Variants in VPS37A observed in about 807,000 individuals in gnomAD.
VPS37A encodes vacuolar protein sorting-associated protein 37A.
In VPS37A, 30 loss-of-function variants were observed where a neutral mutation model predicts 49.8. The ratio of observed to expected loss-of-function variants is 0.60; its 90% confidence interval spans 0.45 to 0.82. The LOEUF (loss-of-function observed/expected upper bound fraction) is 0.82, where lower values mean the gene tolerates loss of function less well. Among genes scored for constraint, VPS37A ranks in the 40% least tolerant of loss-of-function variants. The pLI is 0.00. For missense variants in VPS37A, 593 were observed against 464.4 expected, an observed-to-expected ratio of 1.28 and a Z score of -2.55; for synonymous variants, 195 against 160.6, an observed-to-expected ratio of 1.21 and a Z score of -1.62.
At chr8:17,284,717 T>C in intron 10 of VPS37A, 101 bp downstream of exon 10, 1 of 1,336,204 alleles carries the variant, frequency 7.5e-7, no homozygotes. Flanking sequence ...TATTATGATA[T>C]CATCCCCCTT....
intron 1 of VPS37A, chr8:17,247,975 C>T (rs1811493733): frequency 1.8e-6 from 1 of 569,614 alleles, no homozygotes; most frequent in Non-Finnish European, 3.1e-6. Context: ...AGTCTTGTCC[C>T]CACGCTCAAG....
the VPS37A span, chr8:17,313,312 C>T: frequency 6.2e-7 from 1 of 1,612,438 alleles, no homozygotes. Flanking sequence ...AAGATTCCTG[C>T]ATCCATTATG....
chr8:17,308,631 G>C, the VPS37A span, among the ~76,000 whole-genome samples: 3 of 152,140 alleles, frequency 2.0e-5, no homozygotes, highest in African/African-American at 7.2e-5. Context: ...TACCATTTAA[G>C]ATTCAAAGAG....
the VPS37A span, chr8:17,309,267 T>C: frequency 6.7e-7 from 1 of 1,503,020 alleles, no homozygotes; most frequent in Non-Finnish European, 9.2e-7. Flanking sequence ...CAGTCTTAAA[T>C]ATTACTTACC....
intron 10 of VPS37A, among the ~76,000 whole-genome samples, chr8:17,286,141 A>G (rs1399439188): frequency 6.6e-6 from 1 of 152,124 alleles, no homozygotes; most frequent in Admixed American, 6.5e-5. Context: ...CATTCAAAGT[A>G]TTATCTGCTC....
At chr8:17,282,438 C>T (rs1473980236) in intron 9 of VPS37A, among the ~76,000 whole-genome samples, 1 of 151,924 alleles carries the variant, frequency 6.6e-6, no homozygotes, top group Non-Finnish European at 1.5e-5. Flanking sequence ...TGGGAAAAGC[C>T]TTTCTTAGCA....
chr8:17,247,356 A>C lies in VPS37A; in HGVS notation c.112A>C (p.Asn38His). Reference sequence around the variant, plus strand: ...GCAGCGCCTGATCGAGTCCCTCCGGAACTCACACTCCAGGTGACTGGTCGC... The same window carrying C: ...GCAGCGCCTGATCGAGTCCCTCCGGCACTCACACTCCAGGTGACTGGTCGC... ...QKQRLIESLR[N>H]SHSSIAEIQK... is the part of the protein sequence containing the mutation. The change falls in exon 1 of 12, where the codon AAC (asparagine) becomes CAC (histidine). Residue 38 changes from asparagine (N) to histidine (H), a missense_variant. Asn to His is a moderately conservative substitution (Grantham distance 68). Coordinates refer to ENST00000324849, the MANE Select transcript of VPS37A (RefSeq NM_152415.3). 1 of 1,547,362 alleles carries C rather than the reference A, an allele frequency of 6.5e-7. No individual in the cohort carries two copies. The highest frequency in any genetic ancestry group is 8.7e-7 in the Non-Finnish European group (1 of 1,146,616).
At chr8:17,291,164 C>T (rs933331586) in intron 11 of VPS37A, among the ~76,000 whole-genome samples, 1 of 152,122 alleles carries the variant, frequency 6.6e-6, no homozygotes. Flanking sequence ...AGGCATGTGC[C>T]ATCACACCTG....
chr8:17,309,713 AC>A, the VPS37A span, among the ~76,000 whole-genome samples: 1 of 152,060 alleles, frequency 6.6e-6, no homozygotes, highest in South Asian at 2.1e-4. Flanking sequence ...TAGGAAGGAG[AC>A]CCCACTTCAC....
At chr8:17,268,727 G>T in intron 3 of VPS37A, 129 bp from the exon 4 acceptor site, 1 of 671,796 alleles carries the variant, frequency 1.5e-6, no homozygotes, top group Non-Finnish European at 2.5e-6. Flanking sequence ...CTTGTTAATT[G>T]CTAATATCCT....
chr8:17,316,489 A>G, the VPS37A span, among the ~76,000 whole-genome samples: 7 of 150,968 alleles, frequency 4.6e-5, no homozygotes, highest in African/African-American at 1.7e-4. Context: ...ACCTTTCTAC[A>G]GTCTCCTTGT....
At chr8:17,309,543 T>C in the VPS37A span, among the ~76,000 whole-genome samples, 17 of 152,290 alleles carry the variant, frequency 1.1e-4, no homozygotes, top group African/African-American at 4.1e-4. Context: ...GAAATGGATG[T>C]ATAAAAATGC....
At chr8:17,307,804 A>G in the VPS37A span, among the ~76,000 whole-genome samples, 1 of 151,526 alleles carries the variant, frequency 6.6e-6, no homozygotes, top group African/African-American at 2.4e-5. Context: ...ACCAAACACC[A>G]CATGTTCTCA....
intron 1 of VPS37A, among the ~76,000 whole-genome samples, chr8:17,251,205 G>T (rs1811944136): frequency 6.6e-6 from 1 of 152,176 alleles, no homozygotes; most frequent in Non-Finnish European, 1.5e-5. Flanking sequence ...GTGGAAGCAG[G>T]ACTCTTGGTT....
chr8:17,327,065 T>G, the VPS37A span, among the ~76,000 whole-genome samples: 1 of 152,192 alleles, frequency 6.6e-6, no homozygotes, highest in South Asian at 2.1e-4. Context: ...GCAAGCAATT[T>G]TACGACCTGA....
intron 2 of VPS37A, among the ~76,000 whole-genome samples, chr8:17,266,397 C>T (rs530999312): frequency 6.6e-6 from 1 of 152,138 alleles, no homozygotes; most frequent in Admixed American, 6.5e-5. Flanking sequence ...CCAGAAAGTT[C>T]AAGATTAGAT....
chr8:17,258,429 A>T (rs1812672706), intron 1 of VPS37A, among the ~76,000 whole-genome samples: 1 of 152,120 alleles, frequency 6.6e-6, no homozygotes, highest in South Asian at 2.1e-4. Flanking sequence ...CTCTTAATGG[A>T]TATATCACAT....
intron 1 of VPS37A, among the ~76,000 whole-genome samples, chr8:17,264,047 C>T (rs539100813): frequency 1.5e-3 from 227 of 152,304 alleles, no homozygotes; most frequent in Non-Finnish European, 2.5e-3. Context: ...CACTTATTTG[C>T]CTGGTACTGT....
At chr8:17,280,920 GA>G (rs1225405923) in intron 9 of VPS37A, among the ~76,000 whole-genome samples, 3 of 151,024 alleles carry the variant, frequency 2.0e-5, no homozygotes, top group Non-Finnish European at 4.4e-5. Flanking sequence ...CTATATTTCT[GA>G]AAAAAAAGGA....
Sources: gnomAD v4.1 joint callset for allele counts (sites outside exome capture counted in the v4.1 genomes callset) on GRCh38, gnomAD v4.1.1 for gene constraint, MANE v1.5 for transcripts, NCBI Gene and HGNC (gene_info 2026-07-23, HGNC 2026-07-21) for gene names.